Variants in ADTRP observed in about 807,000 individuals in gnomAD.
ADTRP encodes androgen dependent TFPI regulating protein.
A neutral mutation model predicts 27.0 loss-of-function variants in ADTRP; 20 were observed. That is an observed-to-expected ratio of 0.74 (90% CI 0.52 to 1.08). The LOEUF is 1.08. Ranked by LOEUF, ADTRP falls within the 50% of genes least tolerant of loss-of-function variation. ADTRP has a pLI of 0.00. For synonymous variants in ADTRP, 101 were observed against 105.2 expected, an observed-to-expected ratio of 0.96 and a Z score of 0.25; for missense variants, 251 against 275.0, an observed-to-expected ratio of 0.91 and a Z score of 0.62.
intron 3 of ADTRP, among the ~76,000 whole-genome samples, chr6:11,765,560 T>C (rs1763544334): frequency 6.6e-6 from 1 of 152,050 alleles, no homozygotes; most frequent in African/African-American, 2.4e-5. Flanking sequence ...TCCTGGTTGA[T>C]GTGGAGATAC....
rs376743611 is a variant in ADTRP at position 11,748,520 on chromosome 6, C to T, written c.391-12837G>A. Among the ~76,000 whole-genome samples the T allele has an allele frequency of 1.4e-3, 210 of 152,356 alleles. 4 individuals are homozygous for T. The South Asian group carries it at 0.04, about 29-fold the overall frequency. Reference sequence around the variant, plus strand: ...ATCAGAAGGTGGACAGATGTGGTCCCTGGCCTTGCAGACCTTACAGTCAAT... The same window carrying T: ...ATCAGAAGGTGGACAGATGTGGTCCTTGGCCTTGCAGACCTTACAGTCAAT... On this transcript the variant is annotated intron_variant, in intron 3 of 5. Transcript: ENST00000414691.
Position 11,733,113 on chromosome 6 carries a change from C to T in ADTRP, c.506+2455G>A, listed in dbSNP as rs193172643. 4.6e-5 allele frequency among the ~76,000 whole-genome samples: 7 copies of T among 152,292 alleles called. No individual in the cohort carries two copies. In the East Asian group the frequency reaches 1.3e-3, roughly 29 times the overall value. ...GCTAAGTCATCTCTAAGTCACCTCC[C>T]ATTGTTCACACTCTCTGATTTTATT... On this transcript the variant is annotated intron_variant, in intron 4 of 5. Transcript: ENST00000414691.
In ADTRP at chr6:11,729,501, T is replaced by G. The variant is rs527521386; in HGVS notation, c.507-6001A>C. 2.0e-5 allele frequency among the ~76,000 whole-genome samples: 3 copies of G among 152,286 alleles called. No individual in the cohort carries two copies. In the South Asian group the frequency reaches 6.2e-4, roughly 32 times the overall value. On this transcript the variant is annotated intron_variant, in intron 4 of 5. Coordinates refer to ENST00000414691, the MANE Select transcript of ADTRP (RefSeq NM_032744.4). ...TGCTGCTCCTTCCCCCTCCTGTCCC[T>G]GAGAGGAGGGCCTTTCCCTGGTGTT...
At chr6:11,758,616 C>T (rs908377256) in intron 3 of ADTRP, among the ~76,000 whole-genome samples, 7 of 136,764 alleles carry the variant, frequency 5.1e-5, no homozygotes, top group Non-Finnish European at 1.1e-4. Context: ...ATACCTAATG[C>T]TAAATGACGA....
At chr6:11,740,371 A>G (rs1269319894) in intron 3 of ADTRP, among the ~76,000 whole-genome samples, 1 of 146,812 alleles carries the variant, frequency 6.8e-6, no homozygotes, top group East Asian at 2.2e-4. Context: ...TTTTGTTTAC[A>G]ATATATCAAA....
chr6:11,757,635 A>G (rs1335927192), intron 3 of ADTRP, among the ~76,000 whole-genome samples: 1 of 152,210 alleles, frequency 6.6e-6, no homozygotes, highest in Admixed American at 6.5e-5. Context: ...GTATCCTTAT[A>G]AAAAAGGAGA....
intron 3 of ADTRP, among the ~76,000 whole-genome samples, chr6:11,758,556 A>T (rs1490878703): frequency 1.5e-4 from 9 of 60,470 alleles, no homozygotes; most frequent in Admixed American, 5.0e-4. Flanking sequence ...AACATCACAC[A>T]CCGGGGACTG....
At chr6:11,726,682 G>C (rs555921514) in intron 4 of ADTRP, among the ~76,000 whole-genome samples, 1 of 152,328 alleles carries the variant, frequency 6.6e-6, no homozygotes, top group South Asian at 2.1e-4. Flanking sequence ...TTAACGGGTA[G>C]ACTTTCAGTT....
intron 4 of ADTRP, among the ~76,000 whole-genome samples, chr6:11,729,157 A>G (rs894495529): frequency 1.3e-5 from 2 of 152,140 alleles, no homozygotes; most frequent in Non-Finnish European, 2.9e-5. Flanking sequence ...CAGATAACGG[A>G]GTTTTGTGGG....
At chr6:11,729,227 G>C (rs4713834) in intron 4 of ADTRP, among the ~76,000 whole-genome samples, 47,463 of 151,974 alleles carry the variant, frequency 0.31, 9,281 homozygotes, top group Non-Finnish European at 0.44. Context: ...TTCCAGCCCA[G>C]GAGAATAAAT....
chr6:11,737,300 CCA>C (rs1311126771), intron 3 of ADTRP, among the ~76,000 whole-genome samples: 2 of 152,226 alleles, frequency 1.3e-5, no homozygotes, highest in Non-Finnish European at 2.9e-5. Context: ...CCTCTTTCAC[CCA>C]CAGTCTCCAC....
chr6:11,760,190 C>A (rs1034359597), intron 3 of ADTRP, among the ~76,000 whole-genome samples: 2 of 152,178 alleles, frequency 1.3e-5, no homozygotes, highest in Non-Finnish European at 2.9e-5. Context: ...TACTGCTTAT[C>A]TTCCCCACTG....
chr6:11,743,137 C>A (rs1322098709), intron 3 of ADTRP, among the ~76,000 whole-genome samples: 13 of 152,232 alleles, frequency 8.5e-5, no homozygotes, highest in Admixed American at 8.5e-4. Flanking sequence ...TTGGTCTGCA[C>A]TCAATGCTTC....
intron 1 of ADTRP, among the ~76,000 whole-genome samples, chr6:11,773,408 G>A (rs1261427391): frequency 6.6e-6 from 1 of 152,218 alleles, no homozygotes; most frequent in Non-Finnish European, 1.5e-5. Flanking sequence ...ATTGAAGTGG[G>A]GGAGGCTAAG....
intron 4 of ADTRP, among the ~76,000 whole-genome samples, chr6:11,727,983 G>A (rs112819711): frequency 8.3e-6 from 1 of 119,854 alleles, no homozygotes; most frequent in Non-Finnish European, 1.9e-5. Context: ...GGTAGGTAGG[G>A]AGGGAGGGAG....
At chr6:11,727,500 G>A (rs1370829560) in intron 4 of ADTRP, among the ~76,000 whole-genome samples, 1 of 152,166 alleles carries the variant, frequency 6.6e-6, no homozygotes, top group Admixed American at 6.5e-5. Flanking sequence ...ACTCCAAAAA[G>A]TTGCATCACT....
intron 2 of ADTRP, among the ~76,000 whole-genome samples, chr6:11,766,873 A>G (rs1432631183): frequency 6.6e-6 from 1 of 152,142 alleles, no homozygotes; most frequent in Non-Finnish European, 1.5e-5. Context: ...TGAGGGCTGG[A>G]TCTCCCTGGT....
intron 4 of ADTRP, among the ~76,000 whole-genome samples, chr6:11,726,005 A>G (rs959697027): frequency 6.6e-6 from 1 of 152,192 alleles, no homozygotes; most frequent in Non-Finnish European, 1.5e-5. Flanking sequence ...AATCTCCCCA[A>G]GTGCCCACTG....
chr6:11,754,996 T>C, intron 3 of ADTRP: 1 of 977,364 alleles, frequency 1.0e-6, no homozygotes, highest in South Asian at 4.7e-5. Flanking sequence ...GCTCTTAGTA[T>C]TTCAGAGAGA....
Sources: gnomAD v4.1 joint callset for allele counts (sites outside exome capture counted in the v4.1 genomes callset) on GRCh38, gnomAD v4.1.1 for gene constraint, MANE v1.5 for transcripts, NCBI Gene and HGNC (gene_info 2026-07-23, HGNC 2026-07-21) for gene names.